Variants in SMCHD1 observed in about 807,000 individuals in gnomAD.
The protein encoded by SMCHD1 is structural maintenance of chromosomes flexible hinge domain-containing protein 1.
SMCHD1 carries 78 observed loss-of-function variants against 254.7 expected under a neutral mutation model. The observed-to-expected ratio is 0.31, with a 90% CI of 0.26 to 0.37. SMCHD1 has a LOEUF of 0.37. SMCHD1 is among the 10% of genes least tolerant of loss of function. The pLI is 1.00. For synonymous variants in SMCHD1, 766 were observed against 794.9 expected (o/e 0.96, Z 0.61); for missense variants, 1,840 against 2,408.1 (o/e 0.76, Z 4.94).
At chr18:2,703,265 A>G (rs915250697) in intron 12 of SMCHD1, among the ~76,000 whole-genome samples, 1 of 152,024 alleles carries the variant, frequency 6.6e-6, no homozygotes, top group Non-Finnish European at 1.5e-5. Context: ...TGTATATTGT[A>G]TTCACGTTTA....
intron 24 of SMCHD1, among the ~76,000 whole-genome samples, chr18:2,731,489 T>A (rs1165298486): frequency 6.6e-6 from 1 of 152,210 alleles, no homozygotes; most frequent in Non-Finnish European, 1.5e-5. Context: ...CTTCTCTGGC[T>A]ATAAACAACC....
At chr18:2,736,097 T>G (rs1374388883) in intron 25 of SMCHD1, among the ~76,000 whole-genome samples, 5 of 152,042 alleles carry the variant, frequency 3.3e-5, no homozygotes, top group Non-Finnish European at 5.9e-5. Context: ...AGCCCAGAAA[T>G]AAAACTGTAC....
rs2076390854 is a variant in SMCHD1, at chr18:2,802,977, G to A, written c.*425G>A. 1 of 153,296 alleles carries A rather than the reference G, an allele frequency of 6.5e-6. No individual in the cohort carries two copies. The highest frequency in any genetic ancestry group is 1.5e-5 in the Non-Finnish European group (1 of 68,934). The allele number at this position is 153,296 out of a possible 1,614,324, so 9.5% of individuals were successfully genotyped here. On this transcript the variant is annotated 3_prime_UTR_variant, in exon 48 of 48. Coordinates refer to ENST00000320876, the MANE Select transcript of SMCHD1 (RefSeq NM_015295.3). ...CTTTTGCGTGAATTTATTTAACAAA[G>A]ATGTTTTGTCTTTTGTGTAAGGGAG...
rs1250027122 is a variant in SMCHD1 at position 2,739,422 on chromosome 18, A to C, written c.3426-10A>C. On this transcript the variant is annotated splice_polypyrimidine_tract_variant and intron_variant, in intron 26 of 47. Transcript: ENST00000320876. ...TCACTAAAGACTTCTAACTTGTTAA[A>C]CAATTTCAGACCACTTCCTGATGAA... is the stretch of plus-strand genomic sequence containing the variant. The C allele has an allele frequency of 2.5e-6, 4 of 1,610,852 alleles. No individual in the cohort carries two copies. Among genetic ancestry groups the C allele is most frequent in the Non-Finnish European group, 3.4e-6 (4 of 1,177,610 alleles).
At position 2,718,441 on chromosome 18, in the gene SMCHD1, A is replaced by G; in HGVS notation, c.2458+7A>G. On this transcript the variant is annotated splice_region_variant and intron_variant, in intron 19 of 47. Transcript: ENST00000320876. This position sits in a 1 kb window ranked among gnomAD's most constrained non-coding sequence, Gnocchi z 4.6. ...ATTAAGTTTTCTGTTAAAGGTAAGC[A>G]AAACAGTAATATATAATTATATATG... 6.3e-7 allele frequency: 1 copy of G among 1,594,584 alleles called. No individual in the cohort carries two copies. The highest frequency in any genetic ancestry group is 8.5e-7 in the Non-Finnish European group (1 of 1,170,932).
chr18:2,732,572 G>A, intron 25 of SMCHD1, 80 bp downstream of exon 25: 1 of 817,958 alleles, frequency 1.2e-6, no homozygotes. Flanking sequence ...CCGTTTTATG[G>A]GTAGCATCTA....
At chr18:2,662,667 C>CAAAAAAAAAAA (rs745838636) in intron 1 of SMCHD1, among the ~76,000 whole-genome samples, 87 of 35,448 alleles carry the variant, frequency 2.5e-3, no homozygotes, top group East Asian at 8.5e-3. Flanking sequence ...AACAAAAAAC[C>CAAAAAAAAAAA]AAAAAAAAAA....
chr18:2,770,795 A>AT (rs1234921307), intron 39 of SMCHD1, among the ~76,000 whole-genome samples: 1 of 151,880 alleles, frequency 6.6e-6, no homozygotes, highest in Non-Finnish European at 1.5e-5. Context: ...TGATTTTTGT[A>AT]TTTTTAGTAG....
At chr18:2,794,424 T>G (rs542817268) in intron 45 of SMCHD1, among the ~76,000 whole-genome samples, 2 of 152,300 alleles carry the variant, frequency 1.3e-5, no homozygotes, top group African/African-American at 4.8e-5. Flanking sequence ...GAGAATCACC[T>G]GAGCCCAGGA....
At chr18:2,800,440 A>G (rs1349026261) in intron 47 of SMCHD1, 1 of 152,148 alleles carries the variant, frequency 6.6e-6, no homozygotes, top group Admixed American at 6.5e-5. Flanking sequence ...TCTGGGAACT[A>G]AAAGGCTGAT....
chr18:2,679,480 C>CCAAAAAA (rs752743934), intron 5 of SMCHD1, among the ~76,000 whole-genome samples: 1 of 58,676 alleles, frequency 1.7e-5, no homozygotes, highest in Non-Finnish European at 3.9e-5. Flanking sequence ...ACTCCATCTC[C>CCAAAAAA]AAAAAAAAAA....
At chr18:2,738,657 A>G in intron 26 of SMCHD1, 112 bp downstream of exon 26, 1 of 934,912 alleles carries the variant, frequency 1.1e-6, no homozygotes, top group South Asian at 2.4e-5. Context: ...ATGAAATATA[A>G]TAGATTGTCT....
At chr18:2,782,701 T>G (rs1387172887) in intron 44 of SMCHD1, among the ~76,000 whole-genome samples, 1 of 122,502 alleles carries the variant, frequency 8.2e-6, no homozygotes, top group Non-Finnish European at 1.6e-5. Context: ...GCCATGGTCA[T>G]GCCACTGCAC....
At position 2,740,794 on chromosome 18, in the gene SMCHD1, T is replaced by A. The variant is rs539377223; in HGVS notation, c.3606T>A (p.Asp1202Glu). The A allele has an allele frequency of 6.2e-7, 1 of 1,607,972 alleles. No individual in the cohort carries two copies. Among genetic ancestry groups the A allele is most frequent in the Non-Finnish European group, 8.5e-7 (1 of 1,176,536 alleles). The change falls in exon 28 of 48, where the codon GAT becomes GAA. Residue 1202 changes from aspartate to glutamate, a missense_variant. Physicochemically the swap from Asp to Glu is conservative, Grantham distance 45 (BLOSUM62 2). Coordinates refer to ENST00000320876, the MANE Select transcript of SMCHD1 (RefSeq NM_015295.3). ...SSLSIAGVGL[D>E]SSNLKTTFQE... ...TGTCAATTGCTGGGGTTGGACTTGATAGCTCAAATTTGAAAACAACCTTTC... is the reference window on the plus strand; with the variant it reads ...TGTCAATTGCTGGGGTTGGACTTGAAAGCTCAAATTTGAAAACAACCTTTC...
intron 22 of SMCHD1, among the ~76,000 whole-genome samples, chr18:2,727,353 C>T (rs2075045898): frequency 6.6e-6 from 1 of 152,054 alleles, no homozygotes; most frequent in African/African-American, 2.4e-5. Context: ...TAGCTATTTG[C>T]TTTCACAAAT....
intron 3 of SMCHD1, among the ~76,000 whole-genome samples, chr18:2,668,762 C>G (rs995670380): frequency 6.6e-6 from 1 of 152,108 alleles, no homozygotes; most frequent in Non-Finnish European, 1.5e-5. Flanking sequence ...TCTACTGTAC[C>G]CACGCTCTTA....
At chr18:2,667,311 T>C (rs956761337) in intron 3 of SMCHD1, among the ~76,000 whole-genome samples, 2 of 152,190 alleles carry the variant, frequency 1.3e-5, no homozygotes, top group African/African-American at 4.8e-5. Flanking sequence ...GCCTGTATAC[T>C]CTCTTCTCCT....
chr18:2,662,038 A>G (rs1203113117), intron 1 of SMCHD1, among the ~76,000 whole-genome samples: 2 of 140,374 alleles, frequency 1.4e-5, no homozygotes, highest in Non-Finnish European at 3.0e-5. Context: ...AGGCGCCTGT[A>G]GTCCCAGCTA....
chr18:2,663,271 A>G (rs75633228), intron 1 of SMCHD1, among the ~76,000 whole-genome samples: 1 of 145,194 alleles, frequency 6.9e-6, no homozygotes, highest in Non-Finnish European at 1.5e-5. Flanking sequence ...ATGCCCAGCT[A>G]TTTTTTTTTT....
Sources: gnomAD v4.1 joint callset for allele counts (sites outside exome capture counted in the v4.1 genomes callset) on GRCh38, gnomAD v4.1.1 for gene constraint, Gnocchi (gnomAD v3.1) non-coding constraint, MANE v1.5 for transcripts, NCBI Gene and HGNC (gene_info 2026-07-23, HGNC 2026-07-21) for gene names.